The following TGFB1I1 variants were observed in gnomAD, a reference collection of about 807,000 sequenced individuals.
TGFB1I1 encodes the protein transforming growth factor beta-1-induced transcript 1 protein.
Under a neutral mutation model 52.0 loss-of-function variants are expected in TGFB1I1, and 33 were observed. The ratio of observed to expected loss-of-function variants is 0.63; its 90% confidence interval spans 0.48 to 0.85. The LOEUF (loss-of-function observed/expected upper bound fraction) is 0.85. TGFB1I1 is among the 40% of genes least tolerant of loss of function. The probability of loss-of-function intolerance (pLI) is 0.00; values close to 1 mark genes in which losing one functional copy is unlikely to be tolerated. For synonymous variants in TGFB1I1, 236 were observed against 253.3 expected (o/e 0.93, Z 0.65); for missense variants, 577 against 614.9 (o/e 0.94, Z 0.65).
Position 31,474,467 on chromosome 16 carries a change from A to AGTGTCCATTT in TGFB1I1, c.519+15_519+16insTCCATTTGTG. The AGTGTCCATTT allele has an allele frequency of 6.2e-7, 1 of 1,614,070 alleles. No individual in the cohort carries two copies. The highest frequency in any genetic ancestry group is 8.5e-7 in the Non-Finnish European group (1 of 1,179,996). ...GCGTTCAAAACCATGTGAGTTGGGCAGTGGGCCAGTGTCCATTTGTGGCTC... is the reference window on the plus strand; with the variant it reads ...GCGTTCAAAACCATGTGAGTTGGGCAGTGTCCATTTGTGGGCCAGTGTCCATTTGTGGCTC... On this transcript the variant is annotated intron_variant, in intron 6 of 10. Transcript: ENST00000394863. This position sits in a 1 kb window ranked among gnomAD's most constrained non-coding sequence, Gnocchi z 4.2.
rs2082413352 is a variant in TGFB1I1, at chr16:31,474,709, C to CTG, written c.666_667insTG (p.Gln223CysfsTer19). ...ACCTCAGCCGCCGGGGTGTTCCCAC[C>CTG]CAGGCCAAAGGCCTCTGTGGCTCCT... is the stretch of plus-strand genomic sequence containing the variant. On this transcript the variant is annotated frameshift_variant, in exon 7 of 11. Transcript: ENST00000394863. LOFTEE classifies it high-confidence loss of function. This position sits in a 1 kb window ranked among gnomAD's most constrained non-coding sequence, Gnocchi z 4.2. The CTG allele has an allele frequency of 2.5e-6, 4 of 1,612,570 alleles. No homozygotes were observed. The African/African-American group carries it at 5.3e-5, about 22-fold the overall frequency.
Position 31,474,767 on chromosome 16 carries a change from G to A in TGFB1I1, c.714+10G>A, listed in dbSNP as rs1312941419. 3 of 1,597,948 alleles carry A rather than the reference G, an allele frequency of 1.9e-6. No homozygotes were observed. The highest frequency in any genetic ancestry group is 1.1e-5 in the South Asian group (1 of 88,828). The stretch of plus-strand genomic sequence containing the variant: ...ACCTATTGCTGGGCAAGTAAGTGGA[G>A]CCTTGTGAGAAGGGAGGCAGAGACC... On this transcript the variant is annotated intron_variant, in intron 7 of 10. Coordinates refer to ENST00000394863, the MANE Select transcript of TGFB1I1 (RefSeq NM_001042454.3). This position sits in a 1 kb window ranked among gnomAD's most constrained non-coding sequence, Gnocchi z 4.2.
Position 31,477,678 on chromosome 16 carries a change from C to T in TGFB1I1, c.*102C>T. On this transcript the variant is annotated 3_prime_UTR_variant, in exon 11 of 11. Transcript: ENST00000394863. This position sits in a 1 kb window ranked among gnomAD's most constrained non-coding sequence, Gnocchi z 4.7. ...TGCTCTCAGAGCGGGAGGCCCCACCCACTGGAGAGCCCCGCCCCTAAGGTA... is the reference window on the plus strand; with the variant it reads ...TGCTCTCAGAGCGGGAGGCCCCACCTACTGGAGAGCCCCGCCCCTAAGGTA... 1.4e-6 allele frequency: 2 copies of T among 1,410,668 alleles called. No individual in the cohort carries two copies. Among genetic ancestry groups the T allele is most frequent in the Non-Finnish European group, 1.9e-6 (2 of 1,069,852 alleles). The allele number at this position is 1,410,668 out of a possible 1,614,324, so 87.4% of individuals were successfully genotyped here.
rs758469063 is a variant in TGFB1I1, at chr16:31,476,840, C to T, written c.971-22C>T. On this transcript the variant is annotated intron_variant, in intron 9 of 10. Coordinates refer to ENST00000394863, the MANE Select transcript of TGFB1I1 (RefSeq NM_001042454.3). The surrounding 1 kb of genome is among the most constrained non-coding windows in gnomAD (Gnocchi z 7.6). ...TCCCGCCCGCACCCTTTGCTTTCAG[C>T]CCACTCGGTTCCCTCTCCTAGGTTT... is the stretch of plus-strand genomic sequence containing the variant. The T allele has an allele frequency of 7.4e-5, 119 of 1,611,360 alleles. No individual in the cohort carries two copies. The highest frequency in any genetic ancestry group is 1.0e-4 in the Non-Finnish European group (118 of 1,179,760).
In TGFB1I1 at chr16:31,476,869, C is replaced by T. The variant is rs754955007; in HGVS notation, c.978C>T (p.His326=). The T allele has an allele frequency of 1.2e-5, 19 of 1,611,516 alleles. No individual in the cohort carries two copies. Among genetic ancestry groups the T allele is most frequent in the African/African-American group, 2.7e-5 (2 of 74,922 alleles). ...CTCGGTTCCCTCTCCTAGGTTTCCA[C>T]GAGCGCGAGGGCCGCCCCTACTGCC... The part of the protein sequence containing the change: ...CGEPFGDEGF[H]EREGRPYCRR... Residue 326 remains histidine, a synonymous_variant, in exon 10 of 11, where the codon CAC becomes CAT. Transcript: ENST00000394863. The surrounding 1 kb of genome is among the most constrained non-coding windows in gnomAD (Gnocchi z 7.6).
At position 31,476,338 on chromosome 16, in the gene TGFB1I1, C is replaced by T; in HGVS notation, c.889-143C>T. On this transcript the variant is annotated intron_variant, in intron 8 of 10. Coordinates refer to ENST00000394863, the MANE Select transcript of TGFB1I1 (RefSeq NM_001042454.3). The surrounding 1 kb of genome is among the most constrained non-coding windows in gnomAD (Gnocchi z 7.6). ...TGTCCACGGCCCCTTGGACTCCACT[C>T]TTCCTTTCTGACCCCCACGTTCCTA... 8.0e-7 allele frequency: 1 copy of T among 1,253,162 alleles called. No homozygotes were observed. Among genetic ancestry groups the T allele is most frequent in the African/African-American group, 1.5e-5 (1 of 67,460 alleles). The allele number at this position is 1,253,162 out of a possible 1,614,324, so 77.6% of individuals were successfully genotyped here.
intron 1 of TGFB1I1, 165 bp downstream of exon 1, chr16:31,472,366 T>G: frequency 8.8e-7 from 1 of 1,136,118 alleles, no homozygotes; most frequent in Non-Finnish European, 1.1e-6. Context: ...GCCTCTCCCT[T>G]CCTGCCTTTC....
intron 1 of TGFB1I1, chr16:31,472,540 G>A (rs1044510637): frequency 3.5e-6 from 1 of 285,594 alleles, no homozygotes; most frequent in Non-Finnish European, 6.5e-6. Context: ...TAGAGGGCAC[G>A]GGAAAGTCTG....
chr16:31,473,822 C>G lies in TGFB1I1; in HGVS notation c.183-13C>G, dbSNP rs1365221574. On this transcript the variant is annotated splice_polypyrimidine_tract_variant and intron_variant, in intron 3 of 10. Coordinates refer to ENST00000394863, the MANE Select transcript of TGFB1I1 (RefSeq NM_001042454.3). Reference sequence around the variant, plus strand: ...CCCCACCCCTGAACCCAGGCTCCCACTCTGCTTCCCAGCACGGTATGCAAG... The same window carrying G: ...CCCCACCCCTGAACCCAGGCTCCCAGTCTGCTTCCCAGCACGGTATGCAAG... 2 of 1,613,574 alleles carry G rather than the reference C, an allele frequency of 1.2e-6. No individual in the cohort carries two copies. Among genetic ancestry groups the G allele is most frequent in the Admixed American group, 1.7e-5 (1 of 59,954 alleles).
At position 31,476,599 on chromosome 16, in the gene TGFB1I1, G is replaced by A. The variant is rs1250417495; in HGVS notation, c.970+37G>A. 1.9e-6 allele frequency: 3 copies of A among 1,593,876 alleles called. No individual in the cohort carries two copies. The highest frequency in any genetic ancestry group is 2.6e-6 in the Non-Finnish European group (3 of 1,169,534). Reference sequence around the variant, plus strand: ...CTCGACTCCCATCTTAAAAGCTGCGGGTCCCCTCGACGTCTCGCCCCAGCC... The same window carrying A: ...CTCGACTCCCATCTTAAAAGCTGCGAGTCCCCTCGACGTCTCGCCCCAGCC... On this transcript the variant is annotated intron_variant, in intron 9 of 10. Coordinates refer to ENST00000394863, the MANE Select transcript of TGFB1I1 (RefSeq NM_001042454.3). The surrounding 1 kb of genome is among the most constrained non-coding windows in gnomAD (Gnocchi z 7.6).
At position 31,476,924 on chromosome 16, in the gene TGFB1I1, C is replaced by CGCTGCCAGG. The variant is rs1291939398; in HGVS notation, c.1045_1053dup (p.Cys349_Gly351dup). ...GGACTTCCTGCAGCTGTTCGCCCCG[C>CGCTGCCAGG]GCTGCCAGGGCTGCCAGGGCCCCAT... is the stretch of plus-strand genomic sequence containing the variant. On this transcript the variant is annotated inframe_insertion, in exon 10 of 11. Transcript: ENST00000394863. This position sits in a 1 kb window ranked among gnomAD's most constrained non-coding sequence, Gnocchi z 7.6. 8 of 1,608,290 alleles carry CGCTGCCAGG rather than the reference C, an allele frequency of 5.0e-6. No homozygotes were observed. Among genetic ancestry groups the CGCTGCCAGG allele is most frequent in the East Asian group, 4.5e-5 (2 of 44,748 alleles).
chr16:31,477,893 T>G lies in TGFB1I1; in HGVS notation c.*317T>G. ...AATCGGAGGCCAGGCCAGGACGTCC[T>G]TGCTCCCTGCACCCTCACTGTTCTG... On this transcript the variant is annotated 3_prime_UTR_variant, in exon 11 of 11. Coordinates refer to ENST00000394863, the MANE Select transcript of TGFB1I1 (RefSeq NM_001042454.3). This position sits in a 1 kb window ranked among gnomAD's most constrained non-coding sequence, Gnocchi z 4.7. 3 of 437,784 alleles carry G rather than the reference T, an allele frequency of 6.9e-6. No homozygotes were observed. Among genetic ancestry groups the G allele is most frequent in the African/African-American group, 2.0e-5 (1 of 49,570 alleles). The allele number at this position is 437,784 out of a possible 1,614,324, so 27.1% of individuals were successfully genotyped here.
chr16:31,475,906 T>C, intron 7 of TGFB1I1, 106 bp from the exon 8 acceptor site: 1 of 1,235,044 alleles, frequency 8.1e-7, no homozygotes, highest in Middle Eastern at 2.3e-4. Context: ...ACTGGATTCT[T>C]TATTCTGATC....
In TGFB1I1 at chr16:31,477,192, G is replaced by C; in HGVS notation, c.1120-118G>C. 6.8e-7 allele frequency: 1 copy of C among 1,462,696 alleles called. No homozygotes were observed. The highest frequency in any genetic ancestry group is 9.1e-7 in the Non-Finnish European group (1 of 1,094,954). The allele number at this position is 1,462,696 out of a possible 1,614,324, so 90.6% of individuals were successfully genotyped here. On this transcript the variant is annotated intron_variant, in intron 10 of 10. Coordinates refer to ENST00000394863, the MANE Select transcript of TGFB1I1 (RefSeq NM_001042454.3). The surrounding 1 kb of genome is among the most constrained non-coding windows in gnomAD (Gnocchi z 4.7). ...TTTTCCGGGCAGGGTCCCACCGGACGGGATTCTTCGCGTCTAGGGCGGGCT... is the reference window on the plus strand; with the variant it reads ...TTTTCCGGGCAGGGTCCCACCGGACCGGATTCTTCGCGTCTAGGGCGGGCT...
chr16:31,476,181 G>C lies in TGFB1I1; in HGVS notation c.884G>C (p.Arg295Pro). Residue 295 changes from arginine to proline, a missense_variant, in exon 8 of 11, where the codon CGA (arginine) becomes CCA (proline). Around this residue, in one of 3 missense-constraint regions of TGFB1I1, gnomAD observed 456 missense variants for 461.6 expected, o/e 0.99. Transcript: ENST00000394863. This position sits in a 1 kb window ranked among gnomAD's most constrained non-coding sequence, Gnocchi z 7.6. ...PRCGFCNQPIRHKMVTALGTH... is the reference protein window; with the variant it reads ...PRCGFCNQPIPHKMVTALGTH... ...TGTGGCTTCTGCAACCAGCCCATCCGACACGTGAGCCCCGCCCGGCCGCAC... is the reference window on the plus strand; with the variant it reads ...TGTGGCTTCTGCAACCAGCCCATCCCACACGTGAGCCCCGCCCGGCCGCAC... The C allele has an allele frequency of 6.2e-7, 1 of 1,612,018 alleles. No individual in the cohort carries two copies. Among genetic ancestry groups the C allele is most frequent in the Non-Finnish European group, 8.5e-7 (1 of 1,179,704 alleles).
Position 31,474,741 on chromosome 16 carries a change from A to C in TGFB1I1, c.698A>C (p.Lys233Thr), listed in dbSNP as rs765244873. The part of the protein sequence containing the change: ...QAKGLCGSCN[K>T]PIAGQVVTAL... ...AAAGGCCTCTGTGGCTCCTGCAATA[A>C]ACCTATTGCTGGGCAAGTAAGTGGA... is the stretch of plus-strand genomic sequence containing the variant. Residue 233 changes from lysine (K) to threonine (T), a missense_variant, in exon 7 of 11, where the codon AAA becomes ACA. Physicochemically the swap from Lys to Thr is moderately conservative, Grantham distance 78. Coordinates refer to ENST00000394863, the MANE Select transcript of TGFB1I1 (RefSeq NM_001042454.3). The surrounding 1 kb of genome is among the most constrained non-coding windows in gnomAD (Gnocchi z 4.2). The C allele has an allele frequency of 6.2e-6, 10 of 1,608,994 alleles. No homozygotes were observed. Among genetic ancestry groups the C allele is most frequent in the Admixed American group, 1.7e-5 (1 of 59,110 alleles).
At position 31,476,128 on chromosome 16, in the gene TGFB1I1, G is replaced by A. The variant is rs770043984; in HGVS notation, c.831G>A (p.Glu277=). ...AGGATGGAGCCCCCTTCTGCCCCGA[G>A]TGCTACTTTGAGCGCTTCTCGCCAA... ...FEKDGAPFCP[E]CYFERFSPRC... is the part of the protein sequence containing the mutation. Residue 277 remains glutamate, a synonymous_variant, in exon 8 of 11, where the codon GAG becomes GAA. Transcript: ENST00000394863. This position sits in a 1 kb window ranked among gnomAD's most constrained non-coding sequence, Gnocchi z 7.6. 1 of 1,613,822 alleles carries A rather than the reference G, an allele frequency of 6.2e-7. No homozygotes were observed. Among genetic ancestry groups the A allele is most frequent in the Non-Finnish European group, 8.5e-7 (1 of 1,179,982 alleles).
rs774484021 is a variant in TGFB1I1 at position 31,473,958 on chromosome 16, C to T, written c.306C>T (p.Ala102=). 7 of 1,612,132 alleles carry T rather than the reference C, an allele frequency of 4.3e-6. No homozygotes were observed. The South Asian group carries it at 7.7e-5, about 18-fold the overall frequency. Residue 102 remains alanine, a synonymous_variant, in exon 4 of 11, where the codon GCC becomes GCT. Transcript: ENST00000394863. ...ELDRLLQELN[A]TQFNITDEIM... The stretch of plus-strand genomic sequence containing the variant: ...ATCGGTTGCTTCAGGAACTTAATGC[C>T]ACTCAGTTCAACATCACAGGTACCA...
Position 31,476,708 on chromosome 16 carries a change from C to T in TGFB1I1, c.970+146C>T. ...CCCTCTCCTACACAGACTCCGGACC[C>T]GAGCCCTCCCCGCTCTGTCCCGCCA... On this transcript the variant is annotated intron_variant, in intron 9 of 10. Coordinates refer to ENST00000394863, the MANE Select transcript of TGFB1I1 (RefSeq NM_001042454.3). This position sits in a 1 kb window ranked among gnomAD's most constrained non-coding sequence, Gnocchi z 7.6. 6.9e-7 allele frequency: 1 copy of T among 1,451,150 alleles called. No individual in the cohort carries two copies. The highest frequency in any genetic ancestry group is 9.3e-7 in the Non-Finnish European group (1 of 1,072,368). 89.9% of individuals were successfully genotyped at this position (1,451,150 alleles called of 1,614,324 possible).
Sources: allele counts gnomAD v4.1 joint callset, GRCh38; gene constraint gnomAD v4.1.1; regional missense constraint gnomAD v4.1.1; non-coding constraint Gnocchi (gnomAD v3.1); transcripts MANE v1.5; gene names NCBI Gene and HGNC (gene_info 2026-07-23, HGNC 2026-07-21).